The following KDM5B variants were observed in gnomAD, a reference collection of about 807,000 sequenced individuals.
The protein encoded by KDM5B is lysine-specific demethylase 5B.
Under a neutral mutation model 193.4 loss-of-function variants are expected in KDM5B, and 144 were observed. The observed-to-expected ratio is 0.74, with a 90% CI of 0.65 to 0.86. The LOEUF (loss-of-function observed/expected upper bound fraction) is 0.86, where lower values mean the gene tolerates loss of function less well. Ranked by LOEUF, KDM5B falls within the 40% of genes least tolerant of loss-of-function variation. KDM5B has a pLI of 0.00. For missense variants in KDM5B, 1,833 were observed against 1,886.9 expected (o/e 0.97, Z 0.53); for synonymous variants, 668 against 682.6 (o/e 0.98, Z 0.33).
chr1:202,740,432 A>C (rs1177742834), intron 20 of KDM5B, among the ~76,000 whole-genome samples: 3 of 117,166 alleles, frequency 2.6e-5, no homozygotes. Context: ...TCCCTCCCGG[A>C]CGGGGCGGCT....
At chr1:202,740,592 C>G (rs1655293885) in intron 20 of KDM5B, 82 bp downstream of exon 20, 2 of 1,360,560 alleles carry the variant, frequency 1.5e-6, no homozygotes, top group Admixed American at 4.1e-5. Context: ...GGCTGACCCC[C>G]CCACCTCCCT....
Position 202,736,215 on chromosome 1 carries a change from C to G in KDM5B, c.3262G>C (p.Glu1088Gln). The G allele has an allele frequency of 6.4e-7, 1 of 1,568,144 alleles. No homozygotes were observed. Among genetic ancestry groups the G allele is most frequent in the Non-Finnish European group, 8.7e-7 (1 of 1,155,024 alleles). The change falls in exon 21 of 27, where the codon GAG becomes CAG. Residue 1088 changes from glutamate (E) to glutamine (Q), a missense_variant and splice_region_variant. Physicochemically the swap from Glu to Gln is conservative, Grantham distance 29 (BLOSUM62 2). Coordinates refer to ENST00000367265, the MANE Select transcript of KDM5B (RefSeq NM_006618.5). ...LTENSPYSLLEVLCPRCDIGL... is the reference protein window; with the variant it reads ...LTENSPYSLLQVLCPRCDIGL... ...AGATGAGCTGGTTGTAAACTTACCT[C>G]TAAGAGAGAATATGGAGAATTCTCA...
In KDM5B at chr1:202,808,377, G is replaced by A. The variant is rs1322987431; in HGVS notation, c.-72C>T. ...AGGCTGCGAGCTCCGCTCGGTCCGA[G>A]ACCCGTGCAGACGCGGCTCGAGCAA... On this transcript the variant is annotated 5_prime_UTR_variant, in exon 1 of 27. Coordinates refer to ENST00000367265, the MANE Select transcript of KDM5B (RefSeq NM_006618.5). 8.8e-6 allele frequency: 12 copies of A among 1,358,690 alleles called. No homozygotes were observed. In the Admixed American group the frequency reaches 1.0e-4, roughly 12 times the overall value. The allele number at this position is 1,358,690 out of a possible 1,614,324, so 84.2% of individuals were successfully genotyped here.
chr1:202,760,211 G>A (rs1000278269), intron 8 of KDM5B, among the ~76,000 whole-genome samples: 1 of 152,090 alleles, frequency 6.6e-6, no homozygotes, highest in Non-Finnish European at 1.5e-5. Context: ...CTACGTGGGG[G>A]GGGCTGAGGT....
At position 202,755,499 on chromosome 1, in the gene KDM5B, C is replaced by G. The variant is rs746342739; in HGVS notation, c.1357-47G>C. 7 of 1,420,964 alleles carry G rather than the reference C, an allele frequency of 4.9e-6. No individual in the cohort carries two copies. The South Asian group carries it at 9.1e-5, about 19-fold the overall frequency. 88.0% of individuals were successfully genotyped at this position (1,420,964 alleles called of 1,614,324 possible). A position where few individuals can be genotyped will look rare whatever the true frequency, so the allele number is the denominator to read the frequency against. Reference sequence around the variant, plus strand: ...AGGATAAAGGTTTAGCTATACAATGCTAACGTTTTAGAAGGCCAGCTAAAA... The same window carrying G: ...AGGATAAAGGTTTAGCTATACAATGGTAACGTTTTAGAAGGCCAGCTAAAA... On this transcript the variant is annotated intron_variant, in intron 10 of 26. Transcript: ENST00000367265.
At chr1:202,799,456 C>T (rs1469576575) in intron 1 of KDM5B, among the ~76,000 whole-genome samples, 1 of 152,138 alleles carries the variant, frequency 6.6e-6, no homozygotes, top group Non-Finnish European at 1.5e-5. Context: ...GAGTTCGAGA[C>T]CAGCCTGACC....
At chr1:202,768,442 T>C (rs1398458794) in intron 4 of KDM5B, among the ~76,000 whole-genome samples, 5 of 152,188 alleles carry the variant, frequency 3.3e-5, no homozygotes, top group Non-Finnish European at 7.3e-5. Flanking sequence ...TGAGCATAGT[T>C]ACTACCATAG....
intron 4 of KDM5B, among the ~76,000 whole-genome samples, chr1:202,768,994 G>T (rs1458810927): frequency 6.6e-6 from 1 of 150,698 alleles, no homozygotes; most frequent in East Asian, 2.0e-4. Flanking sequence ...GATTACAGGT[G>T]TGAGCCACTG....
intron 1 of KDM5B, among the ~76,000 whole-genome samples, chr1:202,786,938 G>A (rs758567502): frequency 4.6e-5 from 7 of 152,144 alleles, no homozygotes; most frequent in Admixed American, 3.3e-4. Context: ...GAGAAACCCC[G>A]TCTCTACTAA....
At position 202,785,887 on chromosome 1, in the gene KDM5B, C is replaced by G. The variant is rs78643761; in HGVS notation, c.205-8793G>C. ...TTGCACCACTTCATTCCAGCCTGGGCAAACAGAGCAAGACTCCCAATTAAA... is the reference window on the plus strand; with the variant it reads ...TTGCACCACTTCATTCCAGCCTGGGGAAACAGAGCAAGACTCCCAATTAAA... On this transcript the variant is annotated intron_variant, in intron 1 of 26. Transcript: ENST00000367265. 6.3e-3 allele frequency among the ~76,000 whole-genome samples: 917 copies of G among 145,346 alleles called. 67 individuals are homozygous for G. In the East Asian group the frequency reaches 0.16, roughly 26 times the overall value.
chr1:202,733,380 A>G, intron 23 of KDM5B, 21 bp downstream of exon 23: 1 of 1,604,086 alleles, frequency 6.2e-7, no homozygotes, highest in Non-Finnish European at 8.5e-7. Context: ...CAATAACCCA[A>G]CAAGGAAAGT....
intron 4 of KDM5B, among the ~76,000 whole-genome samples, chr1:202,769,347 T>C (rs1656614344): frequency 6.6e-6 from 1 of 150,566 alleles, no homozygotes; most frequent in Non-Finnish European, 1.5e-5. Context: ...CCTGGCCTAT[T>C]ATATTCTTAA....
intron 1 of KDM5B, among the ~76,000 whole-genome samples, chr1:202,789,607 A>G (rs1657558861): frequency 1.3e-5 from 2 of 150,026 alleles, no homozygotes; most frequent in Non-Finnish European, 3.0e-5. Context: ...GGGAAGGGGA[A>G]AGGGGAATGG....
chr1:202,785,069 A>T (rs1386969662), intron 1 of KDM5B, among the ~76,000 whole-genome samples: 1 of 152,138 alleles, frequency 6.6e-6, no homozygotes, highest in Non-Finnish European at 1.5e-5. Flanking sequence ...CTGATTTTAC[A>T]AATATAAAGG....
Position 202,808,291 on chromosome 1 carries a change from G to C in KDM5B, c.15C>G (p.Thr5=), listed in dbSNP as rs1186113330. The change falls in exon 1 of 27, where the codon ACC becomes ACG. Residue 5 remains threonine (T), a synonymous_variant. Transcript: ENST00000367265. Reference sequence around the variant, plus strand: ...CCGGGCGCGGGCCTGGGTGCAGTGTGGTGGCCGCCTCCATCACCGCAGGCT... The same window carrying C: ...CCGGGCGCGGGCCTGGGTGCAGTGTCGTGGCCGCCTCCATCACCGCAGGCT... The part of the protein sequence containing the change: MEAA[T]TLHPGPRPAL... 3 of 1,600,608 alleles carry C rather than the reference G, an allele frequency of 1.9e-6. No individual in the cohort carries two copies. The Admixed American group carries it at 5.1e-5, about 27-fold the overall frequency.
At position 202,774,854 on chromosome 1, in the gene KDM5B, T is replaced by A. The variant is rs981631757; in HGVS notation, c.283-119A>T. 3.6e-4 allele frequency: 310 copies of A among 857,032 alleles called. 2 individuals are homozygous for A. The highest frequency in any genetic ancestry group is 9.3e-4 in the South Asian group (54 of 58,262). The allele number at this position is 857,032 out of a possible 1,614,324, so 53.1% of individuals were successfully genotyped here. ...AATACCACTTAAAAAAATTTTTTTTTAATTTAATGCTCTTTCAGCAAAATC... is the reference window on the plus strand; with the variant it reads ...AATACCACTTAAAAAAATTTTTTTTAAATTTAATGCTCTTTCAGCAAAATC... On this transcript the variant is annotated intron_variant, in intron 2 of 26. Transcript: ENST00000367265.
At chr1:202,800,348 TTTTG>T (rs765833949) in intron 1 of KDM5B, among the ~76,000 whole-genome samples, 1 of 151,786 alleles carries the variant, frequency 6.6e-6, no homozygotes, top group Admixed American at 6.6e-5. Context: ...AGCCATTTTG[TTTTG>T]TTTGTTTTTG....
chr1:202,739,441 CTTTT>C (rs58981694), intron 20 of KDM5B, among the ~76,000 whole-genome samples: 1 of 144,158 alleles, frequency 6.9e-6, no homozygotes. Flanking sequence ...CAATATTGCT[CTTTT>C]TTTTTTTTGC....
At position 202,756,359 on chromosome 1, in the gene KDM5B, T is replaced by C. The variant is rs1656010347; in HGVS notation, c.1355A>G (p.Glu452Gly). 6.2e-7 allele frequency: 1 copy of C among 1,604,474 alleles called. No individual in the cohort carries two copies. The highest frequency in any genetic ancestry group is 8.5e-7 in the Non-Finnish European group (1 of 1,176,260). The change falls in exon 10 of 27, where the codon GAG (glutamate) becomes GGG (glycine). Residue 452 changes from glutamate to glycine, a missense_variant and splice_region_variant. Physicochemically the swap from Glu to Gly is moderately conservative, Grantham distance 98. Coordinates refer to ENST00000367265, the MANE Select transcript of KDM5B (RefSeq NM_006618.5). Reference sequence around the variant, plus strand: ...TTTCCAAGCCACTTATATGCCTACCTCTTCCTCAGGTGAGAGTTTGATTTT... The same window carrying C: ...TTTCCAAGCCACTTATATGCCTACCCCTTCCTCAGGTGAGAGTTTGATTTT... ...DGKIKLSPEE[E>G]EYLDSGWNLN...
Sources: gnomAD v4.1 joint callset for allele counts (sites outside exome capture counted in the v4.1 genomes callset) on GRCh38, gnomAD v4.1.1 for gene constraint, MANE v1.5 for transcripts, NCBI Gene and HGNC (gene_info 2026-07-23, HGNC 2026-07-21) for gene names.